Variants in CDH18 observed in about 807,000 individuals in gnomAD.
The protein encoded by CDH18 is cadherin 18.
CDH18 carries 31 observed loss-of-function variants against 67.9 expected under a neutral mutation model. The observed-to-expected ratio is 0.46, with a 90% confidence interval of 0.34 to 0.62. The LOEUF (loss-of-function observed/expected upper bound fraction) is 0.62, where lower values mean the gene tolerates loss of function less well. Ranked by LOEUF, CDH18 falls within the 20% of genes least tolerant of loss-of-function variation. The pLI, the probability that CDH18 is intolerant of heterozygous loss-of-function variation, is 0.01. For synonymous variants in CDH18, 362 were observed against 347.2 expected, an observed-to-expected ratio of 1.04 and a Z score of -0.48; for missense variants, 890 against 975.5, an observed-to-expected ratio of 0.91 and a Z score of 1.17.
intron 2 of CDH18, among the ~76,000 whole-genome samples, chr5:19,961,204 G>C (rs1282201182): frequency 1.3e-5 from 2 of 150,032 alleles, no homozygotes; most frequent in African/African-American, 2.5e-5. Context: ...CTGGGTTCAT[G>C]AGATTCTCCT....
intron 2 of CDH18, among the ~76,000 whole-genome samples, chr5:19,882,833 C>T (rs1323312745): frequency 6.6e-6 from 1 of 152,100 alleles, no homozygotes; most frequent in Non-Finnish European, 1.5e-5. Flanking sequence ...TTTACATCCT[C>T]ACTGATAAAT....
At chr5:19,699,926 C>A (rs1580939756) in intron 5 of CDH18, among the ~76,000 whole-genome samples, 1 of 152,078 alleles carries the variant, frequency 6.6e-6, no homozygotes, top group South Asian at 2.1e-4. Flanking sequence ...AAAACCAAGA[C>A]TTCACCGCTA....
intron 1 of CDH18, among the ~76,000 whole-genome samples, chr5:20,428,369 A>C (rs555283467): frequency 6.6e-6 from 1 of 152,256 alleles, no homozygotes; most frequent in Non-Finnish European, 1.5e-5. Context: ...GGTTAGTTCC[A>C]AGTCTTTGCT....
chr5:20,217,555 C>G (rs111351885), intron 2 of CDH18, among the ~76,000 whole-genome samples: 2 of 151,244 alleles, frequency 1.3e-5, no homozygotes, highest in Non-Finnish European at 3.0e-5. Context: ...TTAGAACATA[C>G]CACCTGAGAA....
At chr5:19,863,412 C>T (rs540041060) in intron 2 of CDH18, among the ~76,000 whole-genome samples, 2 of 152,256 alleles carry the variant, frequency 1.3e-5, no homozygotes, top group Non-Finnish European at 2.9e-5. Flanking sequence ...GTGAGTGAAT[C>T]CCAAATACTG....
chr5:20,417,650 A>G (rs1747427298), intron 1 of CDH18, among the ~76,000 whole-genome samples: 1 of 152,196 alleles, frequency 6.6e-6, no homozygotes, highest in Non-Finnish European at 1.5e-5. Flanking sequence ...ACTCTGGCTG[A>G]AAAAATTGAA....
intron 2 of CDH18, among the ~76,000 whole-genome samples, chr5:19,939,284 G>C (rs190591769): frequency 6.6e-6 from 1 of 151,364 alleles, no homozygotes; most frequent in East Asian, 1.9e-4. Flanking sequence ...GTAGTCTATA[G>C]CAAATATATT....
rs535185526 is a variant in CDH18, at chr5:20,365,379, T to A, written c.-579-109874A>T. 2.6e-5 allele frequency among the ~76,000 whole-genome samples: 4 copies of A among 152,266 alleles called. No homozygotes were observed. In the South Asian group the frequency reaches 8.3e-4, roughly 32 times the overall value. On this transcript the variant is annotated intron_variant, in intron 1 of 14. Transcript: ENST00000507958. ...AGGATTAGAGCTTCAACATAGACATTTGAGGTAGGGGACACAAATATTCAG... is the reference window on the plus strand; with the variant it reads ...AGGATTAGAGCTTCAACATAGACATATGAGGTAGGGGACACAAATATTCAG...
At chr5:20,035,466 G>A (rs1739769631) in intron 2 of CDH18, among the ~76,000 whole-genome samples, 1 of 152,052 alleles carries the variant, frequency 6.6e-6, no homozygotes, top group African/African-American at 2.4e-5. Context: ...ACTTCTGCAT[G>A]GCTGGGGAGG....
intron 1 of CDH18, among the ~76,000 whole-genome samples, chr5:20,308,028 A>C (rs1447152507): frequency 1.3e-5 from 2 of 151,082 alleles, no homozygotes; most frequent in Non-Finnish European, 2.9e-5. Flanking sequence ...CATTAGAATG[A>C]AAATATTTTT....
At position 19,593,101 on chromosome 5, in the gene CDH18, T is replaced by C. The variant is rs560247676; in HGVS notation, c.812-1857A>G. 5.9e-5 allele frequency among the ~76,000 whole-genome samples: 9 copies of C among 152,278 alleles called. No individual in the cohort carries two copies. The South Asian group carries it at 1.9e-3, about 32-fold the overall frequency. ...ATTTAGATTGTTTCCATGTCTTAGCTATTGTGAATAATGCTGCAATAAACA... is the reference window on the plus strand; with the variant it reads ...ATTTAGATTGTTTCCATGTCTTAGCCATTGTGAATAATGCTGCAATAAACA... On this transcript the variant is annotated intron_variant, in intron 6 of 12. Transcript: ENST00000382275.
At chr5:20,207,487 A>T (rs1451357549) in intron 2 of CDH18, among the ~76,000 whole-genome samples, 1 of 152,098 alleles carries the variant, frequency 6.6e-6, no homozygotes, top group Non-Finnish European at 1.5e-5. Context: ...AGGGACTTAC[A>T]GTTCCATGTG....
intron 1 of CDH18, among the ~76,000 whole-genome samples, chr5:20,313,523 A>G (rs77160214): frequency 0.038 from 5,709 of 152,168 alleles, 265 homozygotes; most frequent in African/African-American, 0.11. Context: ...ACTTTAACAT[A>G]AAATTATTGA....
chr5:19,536,436 A>T (rs910971702), intron 9 of CDH18, among the ~76,000 whole-genome samples: 4 of 152,216 alleles, frequency 2.6e-5, no homozygotes, highest in Non-Finnish European at 4.4e-5. Context: ...CTATGATGAA[A>T]AGCGTAATAC....
intron 2 of CDH18, among the ~76,000 whole-genome samples, chr5:20,191,549 TCTC>T (rs1046048144): frequency 2.0e-5 from 3 of 152,136 alleles, no homozygotes; most frequent in African/African-American, 7.2e-5. Context: ...TGTGTGTTGT[TCTC>T]CTCTCTGTGT....
intron 1 of CDH18, among the ~76,000 whole-genome samples, chr5:20,465,500 G>T (rs1751573285): frequency 6.7e-6 from 1 of 150,032 alleles, no homozygotes; most frequent in African/African-American, 2.5e-5. Flanking sequence ...ACTTTAAAAA[G>T]TCAATTACAT....
chr5:19,721,551 T>C, intron 4 of CDH18, 85 bp from the exon 5 acceptor site: 1 of 1,267,264 alleles, frequency 7.9e-7, no homozygotes, highest in Non-Finnish European at 1.1e-6. Context: ...TATGCTGAAA[T>C]AGCTATGGAG....
At chr5:20,340,514 TCTC>T in intron 1 of CDH18, among the ~76,000 whole-genome samples, 1 of 152,234 alleles carries the variant, frequency 6.6e-6, no homozygotes, top group South Asian at 2.1e-4. Context: ...CAAAAGGAAG[TCTC>T]CTTGACGCTG....
intron 1 of CDH18, among the ~76,000 whole-genome samples, chr5:20,506,096 C>A (rs1437203325): frequency 6.6e-6 from 1 of 152,088 alleles, no homozygotes; most frequent in African/African-American, 2.4e-5. Context: ...GTTAGACACA[C>A]AAAAAAATAA....
Sources: allele counts gnomAD v4.1 joint callset (sites outside exome capture counted in the v4.1 genomes callset), GRCh38; gene constraint gnomAD v4.1.1; transcripts MANE v1.5; gene names NCBI Gene and HGNC (gene_info 2026-07-23, HGNC 2026-07-21).